Variants in FAT3 observed in about 807,000 individuals in gnomAD.
FAT3 encodes the protein FAT atypical cadherin 3.
In FAT3, 95 loss-of-function variants were observed where a neutral mutation model predicts 310.2. The ratio of observed to expected loss-of-function variants is 0.31; its 90% CI spans 0.26 to 0.36. The LOEUF (loss-of-function observed/expected upper bound fraction) is 0.36. Ranked by LOEUF, FAT3 falls within the 10% of genes least tolerant of loss-of-function variation. FAT3 has a pLI of 1.00. For missense variants in FAT3, 5,408 were observed against 5,715.6 expected, an observed-to-expected ratio of 0.95 and a Z score of 1.74; for synonymous variants, 2,314 against 2,192.9, an observed-to-expected ratio of 1.06 and a Z score of -1.54.
chr11:92,881,022 AGT>A (rs1949661106), intron 23 of FAT3, 138 bp downstream of exon 23: 2 of 917,168 alleles, frequency 2.2e-6, no homozygotes, highest in Admixed American at 4.9e-5. Context: ...ACGTATAAGG[AGT>A]GCTTACAGGT....
chr11:92,812,907 G>T (rs983550680), intron 13 of FAT3, among the ~76,000 whole-genome samples: 8 of 152,144 alleles, frequency 5.3e-5, no homozygotes, highest in Admixed American at 2.6e-4. Context: ...GGAGACACCT[G>T]GTGGGAGGTA....
chr11:92,230,480 C>T lies in FAT3; in HGVS notation c.-18+5306C>T, dbSNP rs1363436968. 2.0e-5 allele frequency among the ~76,000 whole-genome samples: 3 copies of T among 151,926 alleles called. No homozygotes were observed. The East Asian group carries it at 5.8e-4, about 29-fold the overall frequency. ...TCTTAATTTTTATATTTTTAGTAGACAGGGTGTTTCACCATGTTGGCCAGG... is the reference window on the plus strand; with the variant it reads ...TCTTAATTTTTATATTTTTAGTAGATAGGGTGTTTCACCATGTTGGCCAGG... On this transcript the variant is annotated intron_variant, in intron 1 of 27. Transcript: ENST00000525166.
At chr11:92,395,806 T>C (rs147325407) in intron 2 of FAT3, among the ~76,000 whole-genome samples, 12 of 152,152 alleles carry the variant, frequency 7.9e-5, no homozygotes, top group Non-Finnish European at 1.6e-4. Flanking sequence ...CTCGAACTCC[T>C]GACCTCAGGT....
intron 23 of FAT3, 97 bp downstream of exon 23, chr11:92,880,981 A>G: frequency 1.5e-6 from 2 of 1,347,150 alleles, no homozygotes; most frequent in Non-Finnish European, 2.1e-6. Flanking sequence ...TACCACTAAT[A>G]GTACAGGCAA....
intron 2 of FAT3, among the ~76,000 whole-genome samples, chr11:92,439,966 G>A (rs1951031086): frequency 6.6e-6 from 1 of 151,982 alleles, no homozygotes; most frequent in Admixed American, 6.6e-5. Context: ...GCTGAAGCTG[G>A]CAGGTATCAA....
At chr11:92,313,940 T>G (rs1267887419) in intron 1 of FAT3, among the ~76,000 whole-genome samples, 1 of 152,260 alleles carries the variant, frequency 6.6e-6, no homozygotes, top group East Asian at 1.9e-4. Flanking sequence ...ACACATACAT[T>G]CTACTGGAGC....
At chr11:92,645,230 A>G (rs2135739732) in intron 3 of FAT3, among the ~76,000 whole-genome samples, 1 of 152,340 alleles carries the variant, frequency 6.6e-6, no homozygotes, top group African/African-American at 2.4e-5. Flanking sequence ...AGTTTTGTAG[A>G]AGGCTAATTA....
intron 2 of FAT3, among the ~76,000 whole-genome samples, chr11:92,500,821 C>T (rs1952916682): frequency 6.6e-6 from 1 of 151,996 alleles, no homozygotes; most frequent in Non-Finnish European, 1.5e-5. Context: ...TGTAAAGATA[C>T]TTTAATCACA....
At chr11:92,656,988 G>A (rs1942603981) in intron 3 of FAT3, among the ~76,000 whole-genome samples, 1 of 152,136 alleles carries the variant, frequency 6.6e-6, no homozygotes, top group East Asian at 1.9e-4. Flanking sequence ...GTAAGGTGGG[G>A]TGGGGAGAAA....
Position 92,325,844 on chromosome 11 carries a change from A to T in FAT3, c.-17-26252A>T, listed in dbSNP as rs1947749265. Among the ~76,000 whole-genome samples the T allele has an allele frequency of 2.0e-5, 3 of 152,204 alleles. No individual in the cohort carries two copies. In the South Asian group the frequency reaches 6.2e-4, roughly 32 times the overall value. ...ACCGGGTTTCACCGTGTTGGCGAGC[A>T]TGGTCTCGATCTCTTGACCTCGTGA... On this transcript the variant is annotated intron_variant, in intron 1 of 27. Transcript: ENST00000525166.
intron 2 of FAT3, among the ~76,000 whole-genome samples, chr11:92,492,576 C>T (rs1205256221): frequency 6.6e-6 from 1 of 151,972 alleles, no homozygotes; most frequent in African/African-American, 2.4e-5. Context: ...GTCCAGAGCA[C>T]TTTAATCTAT....
intron 3 of FAT3, among the ~76,000 whole-genome samples, chr11:92,675,569 C>T (rs571930840): frequency 9.2e-5 from 14 of 152,246 alleles, no homozygotes; most frequent in South Asian, 4.1e-4. Flanking sequence ...AAAATACAAG[C>T]GGTGTTAAAT....
rs149896215 is a variant in FAT3, at chr11:92,604,254, T to C, written c.3607+79306T>C. Among the ~76,000 whole-genome samples the C allele has an allele frequency of 3.1e-4, 47 of 152,332 alleles. 1 individual carries two copies. The East Asian group carries it at 6.0e-3, about 19-fold the overall frequency. On this transcript the variant is annotated intron_variant, in intron 3 of 27. Transcript: ENST00000525166. Reference sequence around the variant, plus strand: ...GTGCTTTGTAAAAGGTAGATACTAATATATATGGACCAGTTTGCTGAGTAG... The same window carrying C: ...GTGCTTTGTAAAAGGTAGATACTAACATATATGGACCAGTTTGCTGAGTAG...
At chr11:92,471,860 C>G (rs1025210631) in intron 2 of FAT3, among the ~76,000 whole-genome samples, 11 of 147,070 alleles carry the variant, frequency 7.5e-5, no homozygotes, top group African/African-American at 2.5e-4. Flanking sequence ...AAATAAATCT[C>G]AAAAAACATA....
chr11:92,625,913 G>T (rs1941312233), intron 3 of FAT3, among the ~76,000 whole-genome samples: 1 of 152,022 alleles, frequency 6.6e-6, no homozygotes, highest in South Asian at 2.1e-4. Context: ...TGACTTCCTG[G>T]GTTTAATTAA....
At chr11:92,561,060 G>C (rs150855538) in intron 3 of FAT3, among the ~76,000 whole-genome samples, 1 of 152,122 alleles carries the variant, frequency 6.6e-6, no homozygotes, top group Non-Finnish European at 1.5e-5. Context: ...GTGATTTAAG[G>C]CTGGGTAGGC....
chr11:92,824,123 G>A (rs973741148), intron 13 of FAT3, among the ~76,000 whole-genome samples: 8 of 152,120 alleles, frequency 5.3e-5, no homozygotes, highest in South Asian at 4.1e-4. Flanking sequence ...TTGGGAGGCT[G>A]AGGTGGGTGG....
At chr11:92,309,977 T>A (rs1947256046) in intron 1 of FAT3, among the ~76,000 whole-genome samples, 1 of 152,048 alleles carries the variant, frequency 6.6e-6, no homozygotes, top group Non-Finnish European at 1.5e-5. Flanking sequence ...TTTTTTTTTT[T>A]AATATGTGAA....
intron 3 of FAT3, among the ~76,000 whole-genome samples, chr11:92,636,129 A>T (rs1268652155): frequency 6.6e-6 from 1 of 151,892 alleles, no homozygotes; most frequent in African/African-American, 2.4e-5. Context: ...ACGCCTGGCT[A>T]TTTTTGTATT....
Sources: gnomAD v4.1 joint callset for allele counts (sites outside exome capture counted in the v4.1 genomes callset) on GRCh38, gnomAD v4.1.1 for gene constraint, MANE v1.5 for transcripts, NCBI Gene and HGNC (gene_info 2026-07-23, HGNC 2026-07-21) for gene names.